Variants in DSCAML1 observed in about 807,000 individuals in gnomAD.
DSCAML1 encodes DS cell adhesion molecule like 1.
DSCAML1 carries 38 observed loss-of-function variants against 200.5 expected under a neutral mutation model. The ratio of observed to expected loss-of-function variants is 0.19; its 90% CI spans 0.15 to 0.25. The LOEUF is 0.25. Ranked by LOEUF, DSCAML1 falls within the 10% of genes least tolerant of loss-of-function variation. DSCAML1 has a pLI of 1.00. For missense variants in DSCAML1, 2,223 were observed against 2,858.8 expected, an observed-to-expected ratio of 0.78 and a Z score of 5.07; for synonymous variants, 1,215 against 1,165.0, an observed-to-expected ratio of 1.04 and a Z score of -0.87.
intron 3 of DSCAML1, among the ~76,000 whole-genome samples, chr11:117,540,130 G>A (rs1428722642): frequency 1.3e-5 from 2 of 152,168 alleles, no homozygotes; most frequent in African/African-American, 4.8e-5. Context: ...CTAGAGGGAG[G>A]GAAAAGGGGG....
chr11:117,460,902 C>T (rs1047254274), intron 18 of DSCAML1, among the ~76,000 whole-genome samples: 2 of 152,046 alleles, frequency 1.3e-5, no homozygotes, highest in African/African-American at 4.8e-5. Flanking sequence ...CTGCTTCCTC[C>T]CTCTCCCCCT....
At chr11:117,800,710 T>G (rs2055649374), upstream of DSCAML1, 1 of 152,242 alleles carries the variant, frequency 6.6e-6, no homozygotes, top group African/African-American at 2.4e-5. Flanking sequence ...CTTTTGTTTT[T>G]GTTTTTTTTA....
chr11:117,470,215 C>T (rs944463752), intron 15 of DSCAML1, among the ~76,000 whole-genome samples: 3 of 152,200 alleles, frequency 2.0e-5, no homozygotes, highest in East Asian at 1.9e-4. Flanking sequence ...TAATAAGGTA[C>T]TACTGTACAT....
In DSCAML1 at chr11:117,761,179, A is replaced by G. The variant is rs144308945; in HGVS notation, c.511+15612T>C. Among the ~76,000 whole-genome samples the G allele has an allele frequency of 5.0e-3, 758 of 151,916 alleles. 2 individuals are homozygous for G. Among genetic ancestry groups the G allele is most frequent in the African/African-American group, 0.018 (737 of 41,436 alleles). On this transcript the variant is annotated intron_variant, in intron 3 of 32. Transcript: ENST00000651296. Reference sequence around the variant, plus strand: ...CCTCCAGAGGAGGTCTCACACCTAGACTCACCTTCCAGACGAGGTCTCACA... The same window carrying G: ...CCTCCAGAGGAGGTCTCACACCTAGGCTCACCTTCCAGACGAGGTCTCACA...
At chr11:117,757,171 T>C (rs890890151) in intron 3 of DSCAML1, among the ~76,000 whole-genome samples, 1 of 152,144 alleles carries the variant, frequency 6.6e-6, no homozygotes, top group Non-Finnish European at 1.5e-5. Context: ...GAAAAAGTAG[T>C]AGCTACTTTG....
intron 14 of DSCAML1, among the ~76,000 whole-genome samples, chr11:117,472,874 G>T (rs574747719): frequency 1.3e-5 from 2 of 152,144 alleles, no homozygotes; most frequent in Admixed American, 6.5e-5. Flanking sequence ...CAGAGGAAAC[G>T]GGAAGGAGTT....
chr11:117,516,383 G>A lies in DSCAML1; in HGVS notation c.1783+84C>T, dbSNP rs779479448. The A allele has an allele frequency of 4.6e-4, 701 of 1,518,796 alleles. 4 individuals carry two copies. Among genetic ancestry groups the A allele is most frequent in the Middle Eastern group, 9.6e-4 (4 of 4,186 alleles). 94.1% of individuals were successfully genotyped at this position (1,518,796 alleles called of 1,614,324 possible). On this transcript the variant is annotated intron_variant, in intron 8 of 32. Coordinates refer to ENST00000651296, the MANE Select transcript of DSCAML1 (RefSeq NM_020693.4). This position sits in a 1 kb window ranked among gnomAD's most constrained non-coding sequence, Gnocchi z 5.7. ...TTCCGTTCACCCAGGATTGCCTATT[G>A]TTGTCTGAGTCCCAGCTGGGGAAAG...
At chr11:117,619,256 A>G (rs1270483475) in intron 3 of DSCAML1, among the ~76,000 whole-genome samples, 1 of 152,200 alleles carries the variant, frequency 6.6e-6, no homozygotes, top group African/African-American at 2.4e-5. Context: ...CAGCCTTGCT[A>G]CTGCATCAAG....
intron 3 of DSCAML1, among the ~76,000 whole-genome samples, chr11:117,639,004 GAGTCGATTTCTACATC>G (rs1387497429): frequency 1.3e-5 from 2 of 152,294 alleles, no homozygotes; most frequent in African/African-American, 2.4e-5. Flanking sequence ...CAATGAATGA[GAGTCGATTTCTACATC>G]CTGGACAGCA....
At chr11:117,639,584 C>T (rs1190961145) in intron 3 of DSCAML1, among the ~76,000 whole-genome samples, 1 of 150,696 alleles carries the variant, frequency 6.6e-6, no homozygotes, top group Non-Finnish European at 1.5e-5. Context: ...TGGGGGAAGG[C>T]TTGAGGGTGG....
chr11:117,517,496 T>A (rs1262671935), intron 7 of DSCAML1, among the ~76,000 whole-genome samples: 1 of 152,126 alleles, frequency 6.6e-6, no homozygotes, highest in Non-Finnish European at 1.5e-5. Flanking sequence ...AGGGCCCGAC[T>A]GGGAAATCTT....
chr11:117,701,414 CT>C (rs1410487709), intron 3 of DSCAML1, among the ~76,000 whole-genome samples: 5 of 152,166 alleles, frequency 3.3e-5, no homozygotes, highest in Non-Finnish European at 7.3e-5. Context: ...GAAAAACAGC[CT>C]TTGAGAACCC....
chr11:117,556,207 AC>A (rs2137403063), intron 3 of DSCAML1, among the ~76,000 whole-genome samples: 1 of 152,198 alleles, frequency 6.6e-6, no homozygotes, highest in South Asian at 2.1e-4. Context: ...GAGCTCAGTG[AC>A]CCTGCAGGGA....
At chr11:117,461,672 G>T in intron 17 of DSCAML1, 76 bp from the exon 18 acceptor site, 1 of 1,457,982 alleles carries the variant, frequency 6.9e-7, no homozygotes. Context: ...TGTGTCCCAG[G>T]CTGGGTCCCG....
Position 117,505,070 on chromosome 11 carries a change from CA to C in DSCAML1, c.2063-28del. ...TGCAGAAAGAGGGAAGGTAGGGAAA[CA>C]GACCATTTTAGTCTCTGATGGGTCT... On this transcript the variant is annotated intron_variant, in intron 9 of 32. Coordinates refer to ENST00000651296, the MANE Select transcript of DSCAML1 (RefSeq NM_020693.4). The surrounding 1 kb of genome is among the most constrained non-coding windows in gnomAD (Gnocchi z 6.7). The C allele has an allele frequency of 6.2e-7, 1 of 1,605,130 alleles. No individual in the cohort carries two copies. The highest frequency in any genetic ancestry group is 1.1e-5 in the South Asian group (1 of 89,312).
intron 3 of DSCAML1, among the ~76,000 whole-genome samples, chr11:117,760,477 A>T (rs976225992): frequency 1.3e-5 from 2 of 152,226 alleles, no homozygotes; most frequent in African/African-American, 4.8e-5. Flanking sequence ...ATGGCACCAT[A>T]ATGTATGGCA....
At chr11:117,767,375 G>A (rs564963435) in intron 3 of DSCAML1, among the ~76,000 whole-genome samples, 19 of 152,244 alleles carry the variant, frequency 1.2e-4, no homozygotes, top group East Asian at 9.6e-4. Flanking sequence ...CACTTATCAC[G>A]GACGAGCTCA....
intron 3 of DSCAML1, among the ~76,000 whole-genome samples, chr11:117,765,229 T>C (rs754181690): frequency 4.6e-5 from 7 of 152,206 alleles, no homozygotes; most frequent in Admixed American, 6.5e-5. Context: ...TCCAACCGGC[T>C]TGCTATTCCA....
intron 3 of DSCAML1, among the ~76,000 whole-genome samples, chr11:117,577,813 C>T (rs1333035223): frequency 2.6e-5 from 4 of 151,768 alleles, no homozygotes; most frequent in African/African-American, 4.8e-5. Flanking sequence ...GTGATCCACC[C>T]GCCTCGGTCT....
Sources: gnomAD v4.1 joint callset for allele counts (sites outside exome capture counted in the v4.1 genomes callset) on GRCh38, gnomAD v4.1.1 for gene constraint, Gnocchi (gnomAD v3.1) non-coding constraint, MANE v1.5 for transcripts, NCBI Gene and HGNC (gene_info 2026-07-23, HGNC 2026-07-21) for gene names.